Variants in KDM6A observed in about 807,000 individuals in gnomAD.
The protein encoded by KDM6A is lysine demethylase 6A.
Under a neutral mutation model 117.6 loss-of-function variants are expected in KDM6A, and 11 were observed. The observed-to-expected ratio is 0.09, with a 90% CI of 0.06 to 0.15. The LOEUF (loss-of-function observed/expected upper bound fraction) is 0.15. KDM6A is among the 10% of genes least tolerant of loss of function. KDM6A has a pLI of 1.00. For synonymous variants in KDM6A, 384 were observed against 396.1 expected (o/e 0.97, Z 0.36); for missense variants, 799 against 1,077.3 (o/e 0.74, Z 3.62).
At chrX:44,951,048 G>A (rs1272157260) in intron 2 of KDM6A, among the ~76,000 whole-genome samples, 2 of 110,401 alleles carry the variant, frequency 1.8e-5, no homozygotes, top group Non-Finnish European at 3.8e-5. Flanking sequence ...TCAGCCAACC[G>A]GGATTAGTTT....
chrX:45,092,032 A>G (rs2045913152), intron 27 of KDM6A, among the ~76,000 whole-genome samples: 1 of 111,408 alleles, frequency 9.0e-6, no homozygotes, highest in African/African-American at 3.3e-5. Context: ...AAGGACCAAA[A>G]GCCAAATTAT....
rs2035961477 is a variant in KDM6A, at chrX:44,921,970, GT to G, written c.226-39307del. Among the ~76,000 whole-genome samples, 4 of 74,779 alleles carry G rather than the reference GT, an allele frequency of 5.3e-5. No individual in the cohort carries two copies. The South Asian group carries it at 2.9e-3, about 55-fold the overall frequency. 64.9% of individuals were successfully genotyped at this position (74,779 alleles called of 115,157 possible). Reference sequence around the variant, plus strand: ...CTTACTAGCATTTGTTATTATCACCGTTTTTTTAATTTTAGTCATTCTGATA... The same window carrying G: ...CTTACTAGCATTTGTTATTATCACCGTTTTTTAATTTTAGTCATTCTGATA... On this transcript the variant is annotated intron_variant, in intron 2 of 29. Coordinates refer to ENST00000611820, the MANE Select transcript of KDM6A (RefSeq NM_001291415.2).
chrX:44,935,446 A>G (rs2036910037), intron 2 of KDM6A, among the ~76,000 whole-genome samples: 1 of 111,453 alleles, frequency 9.0e-6, no homozygotes, highest in African/African-American at 3.3e-5. Flanking sequence ...GTGAATTGTG[A>G]TTCATAAAGT....
intron 3 of KDM6A, among the ~76,000 whole-genome samples, chrX:44,972,677 A>G (rs2039415668): frequency 9.0e-6 from 1 of 111,390 alleles, no homozygotes; most frequent in African/African-American, 3.3e-5. Flanking sequence ...GACATATGAC[A>G]TGACCAATAT....
In KDM6A at chrX:45,020,611, G is replaced by A. The variant is rs2147664655; in HGVS notation, c.445G>A (p.Ala149Thr). 1 of 1,207,713 alleles carries A rather than the reference G, an allele frequency of 8.3e-7. No homozygotes were observed. Among genetic ancestry groups the A allele is most frequent in the Non-Finnish European group, 1.1e-6 (1 of 892,461 alleles). ...TATCTTATGTCTATATTCTTTCAGG[G>A]CAATTAAAGCATTTCAGGAGGTGCT... ...VYFHYNAFQWAIKAFQEVLYV... is the reference protein window; with the variant it reads ...VYFHYNAFQWTIKAFQEVLYV... The change falls in exon 6 of 30, where the codon GCA becomes ACA. Residue 149 changes from alanine (A) to threonine (T), a missense_variant and splice_region_variant. Coordinates refer to ENST00000611820, the MANE Select transcript of KDM6A (RefSeq NM_001291415.2).
chrX:45,093,941 G>A (rs994383990), intron 27 of KDM6A, among the ~76,000 whole-genome samples: 13 of 110,248 alleles, frequency 1.2e-4, no homozygotes, highest in African/African-American at 3.6e-4. Flanking sequence ...TTTGCCCTAC[G>A]CTACAAAATG....
intron 4 of KDM6A, among the ~76,000 whole-genome samples, chrX:44,979,093 T>C (rs990306427): frequency 8.9e-6 from 1 of 112,345 alleles, no homozygotes; most frequent in African/African-American, 3.2e-5. Flanking sequence ...TATATACCTA[T>C]GATTTGGGAA....
chrX:45,068,669 G>C (rs1468496082), intron 17 of KDM6A, among the ~76,000 whole-genome samples: 2 of 108,082 alleles, frequency 1.9e-5, no homozygotes, highest in Admixed American at 2.0e-4. Context: ...GGGCTCAAGA[G>C]ATCCTCCCAC....
chrX:45,079,325 G>A lies in KDM6A; in HGVS notation c.3274G>A (p.Ala1092Thr), dbSNP rs2148121843. The change falls in exon 21 of 30, where the codon GCC becomes ACC. Residue 1092 changes from alanine to threonine, a missense_variant. Coordinates refer to ENST00000611820, the MANE Select transcript of KDM6A (RefSeq NM_001291415.2). ...TTIAKYAQYQ[A>T]SSFQESLREE... Reference sequence around the variant, plus strand: ...AATTGCTAAATATGCACAGTACCAGGCCTCCTCATTCCAGGAATCATTGAG... The same window carrying A: ...AATTGCTAAATATGCACAGTACCAGACCTCCTCATTCCAGGAATCATTGAG... 1 of 1,182,737 alleles carries A rather than the reference G, an allele frequency of 8.5e-7. No individual in the cohort carries two copies. Among genetic ancestry groups the A allele is most frequent in the Non-Finnish European group, 1.2e-6 (1 of 869,387 alleles).
At chrX:44,987,681 G>A (rs1297811182) in intron 4 of KDM6A, among the ~76,000 whole-genome samples, 32 of 111,343 alleles carry the variant, frequency 2.9e-4, no homozygotes, top group Admixed American at 9.5e-5. Flanking sequence ...TAGTTTGGCT[G>A]GATATGAAAT....
At chrX:45,085,724 T>G (rs1462415239) in intron 24 of KDM6A, 141 bp from the exon 25 acceptor site, 2 of 465,627 alleles carry the variant, frequency 4.3e-6, no homozygotes, top group African/African-American at 4.9e-5. Flanking sequence ...TGTTCTCTGT[T>G]GAGCATTTGT....
chrX:45,059,537 C>CT (rs1434071397), intron 12 of KDM6A, 71 bp downstream of exon 12: 6 of 781,701 alleles, frequency 7.7e-6, no homozygotes, highest in Non-Finnish European at 1.1e-5. Flanking sequence ...AGGAGGGTGG[C>CT]TGGAAAGTTT....
chrX:45,038,354 T>A (rs1047087980), intron 8 of KDM6A, among the ~76,000 whole-genome samples: 2 of 111,884 alleles, frequency 1.8e-5, no homozygotes, highest in Admixed American at 9.5e-5. Flanking sequence ...GTTGTTGTAA[T>A]GCGTTTTTTA....
At position 44,916,477 on chromosome X, in the gene KDM6A, C is replaced by T. The variant is rs536244630; in HGVS notation, c.225+42490C>T. On this transcript the variant is annotated intron_variant, in intron 2 of 29. Coordinates refer to ENST00000611820, the MANE Select transcript of KDM6A (RefSeq NM_001291415.2). ...TTTTGAATTAAATTTTCCCCCTATG[C>T]TTTGGCTGCCTTTACTGTTTAAAAG... is the stretch of plus-strand genomic sequence containing the variant. 5.4e-5 allele frequency among the ~76,000 whole-genome samples: 6 copies of T among 110,686 alleles called. No individual in the cohort carries two copies. The South Asian group carries it at 1.9e-3, about 36-fold the overall frequency.
chrX:45,049,896 G>T (rs996582977), intron 8 of KDM6A, among the ~76,000 whole-genome samples: 5 of 112,791 alleles, frequency 4.4e-5, no homozygotes, highest in African/African-American at 1.6e-4. Context: ...AGCAGTTCCT[G>T]TTATGTATTA....
chrX:44,975,315 T>G (rs759528946), intron 4 of KDM6A, among the ~76,000 whole-genome samples: 2 of 110,878 alleles, frequency 1.8e-5, no homozygotes, highest in African/African-American at 6.6e-5. Context: ...TTTTTTTTTT[T>G]AAATCTGAAT....
intron 6 of KDM6A, among the ~76,000 whole-genome samples, chrX:45,024,950 C>A (rs7889657): frequency 0.21 from 23,618 of 111,048 alleles, 4,067 homozygotes; most frequent in African/African-American, 0.59. Context: ...CTTTATGATC[C>A]TATGGTGTTA....
intron 5 of KDM6A, among the ~76,000 whole-genome samples, chrX:45,015,231 T>C (rs1251075659): frequency 3.6e-5 from 4 of 110,270 alleles, no homozygotes; most frequent in Non-Finnish European, 7.6e-5. Flanking sequence ...GCCTCCCGAA[T>C]AGCTTGGACT....
intron 2 of KDM6A, among the ~76,000 whole-genome samples, chrX:44,879,625 G>A (rs1243631338): frequency 8.9e-6 from 1 of 112,134 alleles, no homozygotes; most frequent in African/African-American, 3.2e-5. Context: ...GATATTTCTT[G>A]CCCGTGTTGA....
Sources: allele counts gnomAD v4.1 joint callset (sites outside exome capture counted in the v4.1 genomes callset), GRCh38; gene constraint gnomAD v4.1.1; transcripts MANE v1.5; gene names NCBI Gene and HGNC (gene_info 2026-07-23, HGNC 2026-07-21).